The following GPC5 variants were observed in gnomAD, a reference collection of about 807,000 sequenced individuals.
The protein encoded by GPC5 is glypican-5.
GPC5 carries 47 observed loss-of-function variants against 53.9 expected under a neutral mutation model. The observed-to-expected ratio is 0.87, with a 90% confidence interval of 0.69 to 1.11. The LOEUF (loss-of-function observed/expected upper bound fraction) is 1.11. Among genes scored for constraint, GPC5 ranks in the 50% most tolerant of loss-of-function variants. GPC5 has a pLI of 0.00. For missense variants in GPC5, 748 were observed against 713.1 expected (o/e 1.05, Z -0.56); for synonymous variants, 286 against 263.3 (o/e 1.09, Z -0.84).
intron 7 of GPC5, among the ~76,000 whole-genome samples, chr13:92,506,947 A>C (rs183620110): frequency 6.6e-6 from 1 of 152,272 alleles, no homozygotes; most frequent in East Asian, 1.9e-4. Context: ...AGATATTTCC[A>C]CTTAGTCTGT....
At chr13:92,823,163 A>G (rs1877729976) in intron 7 of GPC5, among the ~76,000 whole-genome samples, 1 of 152,150 alleles carries the variant, frequency 6.6e-6, no homozygotes, top group Non-Finnish European at 1.5e-5. Flanking sequence ...CTTAAACTGA[A>G]AAGTAAAGAA....
chr13:91,795,775 C>T (rs2038037007), intron 5 of GPC5, among the ~76,000 whole-genome samples: 2 of 152,268 alleles, frequency 1.3e-5, no homozygotes, highest in South Asian at 2.1e-4. Context: ...TTGGCTGCAA[C>T]CCATTCCATG....
chr13:92,101,048 A>T (rs1176455584), intron 6 of GPC5, among the ~76,000 whole-genome samples: 1 of 152,216 alleles, frequency 6.6e-6, no homozygotes, highest in South Asian at 2.1e-4. Flanking sequence ...TAAAACTTCC[A>T]TGGACATTAA....
intron 7 of GPC5, among the ~76,000 whole-genome samples, chr13:92,741,760 C>T (rs981275925): frequency 1.3e-5 from 2 of 152,016 alleles, no homozygotes; most frequent in Non-Finnish European, 2.9e-5. Context: ...CAGCAGGCCC[C>T]GGTGTGTGAT....
rs565788872 is a variant in GPC5, at chr13:91,753,217, A to G, written c.1155-3078A>G. 3.3e-5 allele frequency among the ~76,000 whole-genome samples: 5 copies of G among 152,352 alleles called. No individual in the cohort carries two copies. In the South Asian group the frequency reaches 6.2e-4, roughly 19 times the overall value. On this transcript the variant is annotated intron_variant, in intron 4 of 7. Coordinates refer to ENST00000377067, the MANE Select transcript of GPC5 (RefSeq NM_004466.6). Reference sequence around the variant, plus strand: ...AAGGCCTGATTAATCCGTATATTACATAAGTGGCTAGAAAGTGATGTGTGC... The same window carrying G: ...AAGGCCTGATTAATCCGTATATTACGTAAGTGGCTAGAAAGTGATGTGTGC...
chr13:92,409,581 A>G lies in GPC5; in HGVS notation c.1561+264592A>G, dbSNP rs139571412. ...GATAATACATAAAATATAAACAAGCAGAAGCTGTATAAGTAAAGCACTTCT... is the reference window on the plus strand; with the variant it reads ...GATAATACATAAAATATAAACAAGCGGAAGCTGTATAAGTAAAGCACTTCT... On this transcript the variant is annotated intron_variant, in intron 7 of 7. Coordinates refer to ENST00000377067, the MANE Select transcript of GPC5 (RefSeq NM_004466.6). 2.1e-4 allele frequency among the ~76,000 whole-genome samples: 32 copies of G among 152,276 alleles called. No individual in the cohort carries two copies. In the East Asian group the frequency reaches 6.0e-3, roughly 29 times the overall value.
chr13:92,277,070 T>C (rs982829806), intron 7 of GPC5, among the ~76,000 whole-genome samples: 1 of 152,056 alleles, frequency 6.6e-6, no homozygotes. Flanking sequence ...TCACATAGGT[T>C]CCAATTATGC....
intron 2 of GPC5, among the ~76,000 whole-genome samples, chr13:91,634,486 A>G (rs951703339): frequency 7.9e-5 from 12 of 152,164 alleles, no homozygotes; most frequent in African/African-American, 2.9e-4. Context: ...TTGTTGAATT[A>G]GAAGAAAAAT....
intron 7 of GPC5, among the ~76,000 whole-genome samples, chr13:92,320,977 A>C (rs2043211810): frequency 6.6e-6 from 1 of 152,172 alleles, no homozygotes; most frequent in Non-Finnish European, 1.5e-5. Context: ...ATTTAATATG[A>C]GTTATTTTAC....
chr13:92,020,556 G>C (rs2040748590), intron 6 of GPC5, among the ~76,000 whole-genome samples: 1 of 151,838 alleles, frequency 6.6e-6, no homozygotes, highest in Non-Finnish European at 1.5e-5. Flanking sequence ...TTTCTCTGAT[G>C]ATTAGTGACA....
At chr13:92,738,821 C>G (rs983452948) in intron 7 of GPC5, among the ~76,000 whole-genome samples, 1 of 152,062 alleles carries the variant, frequency 6.6e-6, no homozygotes, top group African/African-American at 2.4e-5. Flanking sequence ...GGAAGCCATA[C>G]GTTGCATATC....
chr13:92,651,325 G>A (rs1201749994), intron 7 of GPC5, among the ~76,000 whole-genome samples: 1 of 152,054 alleles, frequency 6.6e-6, no homozygotes, highest in Non-Finnish European at 1.5e-5. Flanking sequence ...AATCAACAGT[G>A]ATATGCCTTG....
chr13:91,492,267 A>G (rs1237594600), intron 2 of GPC5, among the ~76,000 whole-genome samples: 2 of 152,220 alleles, frequency 1.3e-5, no homozygotes, highest in Non-Finnish European at 2.9e-5. Context: ...AGAGAAATAG[A>G]ACAAACTGGA....
chr13:92,597,262 A>AT lies in GPC5; in HGVS notation c.1562-269005dup, dbSNP rs112041986. On this transcript the variant is annotated intron_variant, in intron 7 of 7. Transcript: ENST00000377067. ...CTGGAGTTCAGTACATAATGCCAGG[A>AT]TTTTTTTTTTTTTTTAAAAAGGATG... is the stretch of plus-strand genomic sequence containing the variant. Among the ~76,000 whole-genome samples, 469 of 145,702 alleles carry AT rather than the reference A, an allele frequency of 3.2e-3. 1 individual carries two copies. Among genetic ancestry groups the AT allele is most frequent in the Middle Eastern group, 7.4e-3 (2 of 270 alleles).
chr13:91,817,618 C>CTGA (rs1238644582), intron 5 of GPC5, among the ~76,000 whole-genome samples: 1 of 152,100 alleles, frequency 6.6e-6, no homozygotes, highest in Non-Finnish European at 1.5e-5. Flanking sequence ...CAAATACAAA[C>CTGA]TGATGGGTTC....
intron 7 of GPC5, among the ~76,000 whole-genome samples, chr13:92,435,582 C>T (rs1481901020): frequency 6.6e-6 from 1 of 152,064 alleles, no homozygotes; most frequent in Non-Finnish European, 1.5e-5. Flanking sequence ...TTTACAAAGA[C>T]AAAGTTTGAA....
intron 6 of GPC5, among the ~76,000 whole-genome samples, chr13:92,118,767 G>A (rs1478333233): frequency 2.0e-5 from 3 of 152,116 alleles, no homozygotes; most frequent in African/African-American, 7.2e-5. Flanking sequence ...TATGTCCAGA[G>A]TTTCAATTTC....
At chr13:91,974,410 C>A (rs1239335095) in intron 6 of GPC5, among the ~76,000 whole-genome samples, 5 of 152,096 alleles carry the variant, frequency 3.3e-5, no homozygotes, top group African/African-American at 1.2e-4. Context: ...TGATAAGCAA[C>A]TTCAGCAAAG....
intron 7 of GPC5, among the ~76,000 whole-genome samples, chr13:92,215,505 C>G (rs2042403413): frequency 6.6e-6 from 1 of 152,136 alleles, no homozygotes; most frequent in Non-Finnish European, 1.5e-5. Context: ...TTGCTTCTAT[C>G]TGAAATCAAC....
Sources: allele counts gnomAD v4.1 joint callset (sites outside exome capture counted in the v4.1 genomes callset), GRCh38; gene constraint gnomAD v4.1.1; transcripts MANE v1.5; gene names NCBI Gene and HGNC (gene_info 2026-07-23, HGNC 2026-07-21).